The following RNF152 variants were observed in gnomAD, a reference collection of about 807,000 sequenced individuals.
RNF152 encodes E3 ubiquitin-protein ligase RNF152.
A neutral mutation model predicts 12.7 loss-of-function variants in RNF152; 11 were observed. That is an observed-to-expected ratio of 0.86 (90% CI 0.54 to 1.43). RNF152 has a LOEUF of 1.43. Among genes scored for constraint, RNF152 ranks in the 40% most tolerant of loss-of-function variants. The pLI is 0.00. For synonymous variants in RNF152, 113 were observed against 120.3 expected (o/e 0.94, Z 0.40); for missense variants, 255 against 274.8 (o/e 0.93, Z 0.51).
intron 1 of RNF152, among the ~76,000 whole-genome samples, chr18:61,865,026 A>C (rs1034047093): frequency 6.6e-5 from 10 of 152,198 alleles, no homozygotes; most frequent in Non-Finnish European, 1.0e-4. Flanking sequence ...ATCTCAAAAA[A>C]AAAAGGAGTT....
chr18:61,821,180 G>C (rs751854554), intron 1 of RNF152, among the ~76,000 whole-genome samples: 11 of 152,150 alleles, frequency 7.2e-5, no homozygotes, highest in South Asian at 2.1e-4. Context: ...TACCATCATT[G>C]GTCAACAAAA....
At chr18:61,873,322 T>C (rs903666331) in intron 1 of RNF152, among the ~76,000 whole-genome samples, 2 of 152,342 alleles carry the variant, frequency 1.3e-5, no homozygotes, top group Middle Eastern at 3.4e-3. Flanking sequence ...TCAAAAATTC[T>C]GCAGTCTCCT....
At chr18:61,834,788 C>T (rs1490711266) in intron 1 of RNF152, among the ~76,000 whole-genome samples, 5 of 152,164 alleles carry the variant, frequency 3.3e-5, no homozygotes, top group East Asian at 1.9e-4. Flanking sequence ...GATATCTCCT[C>T]GCAGAATGGT....
At chr18:61,882,790 T>C (rs938055550) in intron 1 of RNF152, among the ~76,000 whole-genome samples, 1 of 152,052 alleles carries the variant, frequency 6.6e-6, no homozygotes, top group Non-Finnish European at 1.5e-5. Flanking sequence ...CCCCACTTGG[T>C]ATTACAGACT....
At chr18:61,821,901 G>A (rs534054601) in intron 1 of RNF152, among the ~76,000 whole-genome samples, 4 of 152,222 alleles carry the variant, frequency 2.6e-5, no homozygotes, top group South Asian at 2.1e-4. Flanking sequence ...TGAAACCATC[G>A]GTCCCTACCC....
At chr18:61,844,217 G>C (rs960477437) in intron 1 of RNF152, among the ~76,000 whole-genome samples, 2 of 147,644 alleles carry the variant, frequency 1.4e-5, no homozygotes, top group African/African-American at 2.5e-5. Flanking sequence ...GAAGGAGGGA[G>C]GGAAGGAGGG....
chr18:61,824,838 C>G (rs1909584231), intron 1 of RNF152, among the ~76,000 whole-genome samples: 2 of 152,088 alleles, frequency 1.3e-5, no homozygotes, highest in Admixed American at 1.3e-4. Flanking sequence ...CAGTGACAGT[C>G]AAGAAAAAGT....
At chr18:61,878,985 G>A (rs1912335934) in intron 1 of RNF152, among the ~76,000 whole-genome samples, 2 of 152,276 alleles carry the variant, frequency 1.3e-5, no homozygotes, top group South Asian at 4.2e-4. Context: ...AGGGTAAGTG[G>A]GATTAGAAAG....
At chr18:61,884,869 C>T (rs1035863198) in intron 1 of RNF152, among the ~76,000 whole-genome samples, 1 of 152,164 alleles carries the variant, frequency 6.6e-6, no homozygotes, top group Non-Finnish European at 1.5e-5. Flanking sequence ...ATTCAAAATA[C>T]ATTTAATGAA....
chr18:61,837,665 T>C (rs756331633), intron 1 of RNF152, among the ~76,000 whole-genome samples: 1 of 152,230 alleles, frequency 6.6e-6, no homozygotes, highest in Non-Finnish European at 1.5e-5. Context: ...ATTTCTAAGA[T>C]ACTTGATAGA....
chr18:61,831,474 C>T (rs998720729), intron 1 of RNF152, among the ~76,000 whole-genome samples: 1 of 152,166 alleles, frequency 6.6e-6, no homozygotes, highest in Non-Finnish European at 1.5e-5. Flanking sequence ...GATGAAAATG[C>T]TTCCTGCTCT....
chr18:61,844,057 G>GAA (rs1910580878), intron 1 of RNF152, among the ~76,000 whole-genome samples: 9 of 131,642 alleles, frequency 6.8e-5, no homozygotes, highest in African/African-American at 2.3e-4. Context: ...AAAAAAGAAA[G>GAA]AGAGAAAGAC....
chr18:61,867,917 C>T (rs1257684231), intron 1 of RNF152, among the ~76,000 whole-genome samples: 1 of 152,196 alleles, frequency 6.6e-6, no homozygotes, highest in Non-Finnish European at 1.5e-5. Context: ...CATAAAAATA[C>T]AACTTTACTA....
At chr18:61,864,881 G>A (rs973263820) in intron 1 of RNF152, among the ~76,000 whole-genome samples, 11 of 152,314 alleles carry the variant, frequency 7.2e-5, no homozygotes, top group Middle Eastern at 3.4e-3. Context: ...TTAGCCAGGC[G>A]TGGTGGCGCG....
chr18:61,818,903 A>C (rs1340870410), intron 1 of RNF152, among the ~76,000 whole-genome samples: 1 of 152,214 alleles, frequency 6.6e-6, no homozygotes, highest in African/African-American at 2.4e-5. Flanking sequence ...GGGAGCGCTA[A>C]GTACTTAGAC....
chr18:61,853,295 C>CTT (rs1265710110), intron 1 of RNF152, among the ~76,000 whole-genome samples: 5 of 130,192 alleles, frequency 3.8e-5, no homozygotes, highest in Admixed American at 2.4e-4. Flanking sequence ...GGTTCCTTGC[C>CTT]CTTTTTTTTT....
chr18:61,838,540 C>T (rs1405544997), intron 1 of RNF152, among the ~76,000 whole-genome samples: 2 of 152,138 alleles, frequency 1.3e-5, no homozygotes, highest in African/African-American at 4.8e-5. Context: ...CTTAAACCAA[C>T]CCCCTTTTCT....
chr18:61,861,686 C>T (rs539941122), intron 1 of RNF152, among the ~76,000 whole-genome samples: 3 of 152,316 alleles, frequency 2.0e-5, no homozygotes, highest in South Asian at 2.1e-4. Context: ...GTTCAAGACT[C>T]GGCATTTGGC....
chr18:61,862,138 T>A (rs1006524509), intron 1 of RNF152, among the ~76,000 whole-genome samples: 1 of 152,152 alleles, frequency 6.6e-6, no homozygotes, highest in Non-Finnish European at 1.5e-5. Context: ...GAATTGAGGC[T>A]TTTTTCTCCC....
Sources: allele counts gnomAD v4.1 joint callset (sites outside exome capture counted in the v4.1 genomes callset), GRCh38; gene constraint gnomAD v4.1.1; transcripts MANE v1.5; gene names NCBI Gene and HGNC (gene_info 2026-07-23, HGNC 2026-07-21).